The following GOLGA4 variants were observed in gnomAD, a reference collection of about 807,000 sequenced individuals.
GOLGA4 encodes golgin A4.
A neutral mutation model predicts 265.9 loss-of-function variants in GOLGA4; 169 were observed. The ratio of observed to expected loss-of-function variants is 0.64; its 90% confidence interval spans 0.56 to 0.72. The LOEUF (loss-of-function observed/expected upper bound fraction) is 0.72. GOLGA4 is among the 30% of genes least tolerant of loss of function. The probability of loss-of-function intolerance (pLI) is 0.00; values close to 1 mark genes in which losing one functional copy is unlikely to be tolerated. For synonymous variants in GOLGA4, 923 were observed against 855.8 expected (o/e 1.08, Z -1.37); for missense variants, 2,482 against 2,483.4 (o/e 1.00, Z 0.01).
At chr3:37,292,386 A>C (rs998679771) in intron 5 of GOLGA4, among the ~76,000 whole-genome samples, 6 of 152,196 alleles carry the variant, frequency 3.9e-5, no homozygotes. Flanking sequence ...CCATTATTTC[A>C]TTAAAGTAGT....
intron 9 of GOLGA4, among the ~76,000 whole-genome samples, 200 bp downstream of exon 9, chr3:37,299,571 G>A (rs1001376845): frequency 1.3e-5 from 2 of 152,088 alleles, no homozygotes. Flanking sequence ...CTGATTTCTT[G>A]ATCCCAGTCA....
intron 7 of GOLGA4, among the ~76,000 whole-genome samples, chr3:37,297,795 A>G (rs907085019): frequency 3.3e-5 from 5 of 152,082 alleles, no homozygotes; most frequent in African/African-American, 1.2e-4. Flanking sequence ...GGGAGGCTGA[A>G]GCAGGCGGAT....
At chr3:37,289,337 T>C (rs1207519819) in intron 5 of GOLGA4, 46 bp downstream of exon 5, 1 of 1,163,046 alleles carries the variant, frequency 8.6e-7, no homozygotes, top group Non-Finnish European at 1.3e-6. Flanking sequence ...TTAAATCTCA[T>C]ATTTATCAGA....
At chr3:37,275,215 C>CAAAAAAAAAAAAAAAAAAAAAAA (rs749758741) in intron 2 of GOLGA4, among the ~76,000 whole-genome samples, 6 of 44,958 alleles carry the variant, frequency 1.3e-4, no homozygotes, top group East Asian at 1.8e-3. Context: ...GACTCCGTCT[C>CAAAAAAAAAAAAAAAAAAAAAAA]AAAAAAAAAA....
chr3:37,288,481 G>T (rs1394152280), intron 4 of GOLGA4, among the ~76,000 whole-genome samples: 27 of 136,400 alleles, frequency 2.0e-4, no homozygotes, highest in Non-Finnish European at 3.0e-4. Context: ...TTTCTGGATG[G>T]TTTTTTTTTT....
chr3:37,306,676 T>C (rs1053023528), intron 10 of GOLGA4, among the ~76,000 whole-genome samples: 11 of 152,180 alleles, frequency 7.2e-5, no homozygotes, highest in African/African-American at 2.4e-4. Flanking sequence ...TTTTTAATTA[T>C]TGTAATAATA....
chr3:37,353,410 T>G (rs1008805265), intron 21 of GOLGA4, among the ~76,000 whole-genome samples: 10 of 152,140 alleles, frequency 6.6e-5, no homozygotes, highest in Non-Finnish European at 1.2e-4. Flanking sequence ...GAATGAGGTT[T>G]GCCTGTACTT....
chr3:37,326,668 T>G lies in GOLGA4; in HGVS notation c.4782T>G (p.Val1594=). The change falls in exon 14 of 24, where the codon GTT becomes GTG. Residue 1594 remains valine, a synonymous_variant. Transcript: ENST00000361924. ...AAATCTTAACACTTGAAAACCAAGT[T>G]TATTCCATGAAAGCTGAACTTGAAA... ...EEKILTLENQ[V]YSMKAELETK... 3 of 1,611,900 alleles carry G rather than the reference T, an allele frequency of 1.9e-6. No homozygotes were observed. The South Asian group carries it at 3.3e-5, about 18-fold the overall frequency.
chr3:37,297,900 G>A (rs1175346801), intron 7 of GOLGA4, among the ~76,000 whole-genome samples: 2 of 152,050 alleles, frequency 1.3e-5, no homozygotes, highest in Non-Finnish European at 2.9e-5. Context: ...GTGGTGGTGT[G>A]CGCCTGTAAT....
chr3:37,263,494 A>G (rs924656009), intron 2 of GOLGA4, among the ~76,000 whole-genome samples: 1 of 152,174 alleles, frequency 6.6e-6, no homozygotes, highest in Non-Finnish European at 1.5e-5. Flanking sequence ...TGATGTTCAC[A>G]TGACAAAATG....
At chr3:37,353,488 G>GT (rs2097081215) in intron 21 of GOLGA4, among the ~76,000 whole-genome samples, 2 of 151,988 alleles carry the variant, frequency 1.3e-5, no homozygotes, top group Admixed American at 1.3e-4. Flanking sequence ...AATGATGAGG[G>GT]TTTTTGTAAA....
At position 37,299,388 on chromosome 3, in the gene GOLGA4, T is replaced by C; in HGVS notation, c.1086+17T>C. ...CAAGATAAGGTAAAACAACAAAACC[T>C]ATGATACTAAAATTTGTCAAGAGGC... On this transcript the variant is annotated intron_variant, in intron 9 of 23. Coordinates refer to ENST00000361924, the MANE Select transcript of GOLGA4 (RefSeq NM_002078.5). 1 of 1,536,094 alleles carries C rather than the reference T, an allele frequency of 6.5e-7. No individual in the cohort carries two copies.
chr3:37,244,384 G>C (rs754490254), intron 1 of GOLGA4, among the ~76,000 whole-genome samples: 1 of 152,202 alleles, frequency 6.6e-6, no homozygotes, highest in Non-Finnish European at 1.5e-5. Flanking sequence ...GAATGCTGTT[G>C]CTTTAGGAAA....
At position 37,340,282 on chromosome 3, in the gene GOLGA4, A is replaced by G. The variant is rs576168041; in HGVS notation, c.6472+83A>G. ...ATGATTTTTATTTTTGTTTTTGCTA[A>G]TTTATATTTTTTTCTCATTTTAAAA... On this transcript the variant is annotated intron_variant, in intron 20 of 23. Coordinates refer to ENST00000361924, the MANE Select transcript of GOLGA4 (RefSeq NM_002078.5). 1.6e-3 allele frequency: 929 copies of G among 569,000 alleles called. 9 individuals are homozygous for G. Among genetic ancestry groups the G allele is most frequent in the Non-Finnish European group, 2.5e-4 (80 of 324,864 alleles). 35.2% of individuals were successfully genotyped at this position (569,000 alleles called of 1,614,324 possible).
chr3:37,253,887 G>A (rs1441605069), intron 2 of GOLGA4, among the ~76,000 whole-genome samples: 1 of 151,946 alleles, frequency 6.6e-6, no homozygotes, highest in Non-Finnish European at 1.5e-5. Context: ...GTGGTGACAC[G>A]TCCCTGTAAT....
At chr3:37,286,800 A>G (rs1482904432) in intron 4 of GOLGA4, among the ~76,000 whole-genome samples, 1 of 152,216 alleles carries the variant, frequency 6.6e-6, no homozygotes, top group Non-Finnish European at 1.5e-5. Context: ...AAATGCAAGC[A>G]TCCTCTCTTC....
intron 5 of GOLGA4, among the ~76,000 whole-genome samples, chr3:37,289,804 T>C (rs2096860164): frequency 6.6e-6 from 1 of 152,160 alleles, no homozygotes; most frequent in Admixed American, 6.5e-5. Context: ...CTGTTGACTT[T>C]TGGGGTTCTC....
intron 10 of GOLGA4, among the ~76,000 whole-genome samples, chr3:37,307,294 G>T (rs2096908961): frequency 6.6e-6 from 1 of 152,134 alleles, no homozygotes; most frequent in Admixed American, 6.5e-5. Context: ...TACACCAAAA[G>T]AAATTCATTA....
chr3:37,324,345 A>G lies in GOLGA4; in HGVS notation c.2459A>G (p.Gln820Arg), dbSNP rs1285708378. The change falls in exon 14 of 24, where the codon CAG becomes CGG. Residue 820 changes from glutamine (Q) to arginine (R), a missense_variant. Physicochemically the swap from Gln to Arg is conservative, Grantham distance 43. This residue lies in a region of GOLGA4 where 1,536 missense variants were observed against 1,483.7 expected (regional missense o/e 1.04). Transcript: ENST00000361924. ...THEQTKAYEE[Q>R]LAQLQQKLLD... is the part of the protein sequence containing the mutation. ...GAGCAGACAAAAGCATATGAGGAACAGTTGGCCCAATTGCAGCAGAAGTTG... is the reference window on the plus strand; with the variant it reads ...GAGCAGACAAAAGCATATGAGGAACGGTTGGCCCAATTGCAGCAGAAGTTG... 1.2e-6 allele frequency: 2 copies of G among 1,614,202 alleles called. No homozygotes were observed. Among genetic ancestry groups the G allele is most frequent in the Middle Eastern group, 1.6e-4 (1 of 6,062 alleles).
Sources: allele counts gnomAD v4.1 joint callset (sites outside exome capture counted in the v4.1 genomes callset), GRCh38; gene constraint gnomAD v4.1.1; regional missense constraint gnomAD v4.1.1; transcripts MANE v1.5; gene names NCBI Gene and HGNC (gene_info 2026-07-23, HGNC 2026-07-21).